Variants in TENM2 observed in about 807,000 individuals in gnomAD.
The protein encoded by TENM2 is teneurin transmembrane protein 2.
In TENM2, 52 loss-of-function variants were observed where a neutral mutation model predicts 245.2. The observed-to-expected ratio is 0.21, with a 90% CI of 0.17 to 0.27. The LOEUF is 0.27. TENM2 is among the 10% of genes least tolerant of loss of function. TENM2 has a pLI of 1.00. For synonymous variants in TENM2, 1,363 were observed against 1,438.9 expected (o/e 0.95, Z 1.19); for missense variants, 3,046 against 3,666.8 (o/e 0.83, Z 4.37).
At chr5:167,086,058 G>A in the TENM2 span, among the ~76,000 whole-genome samples, 1 of 152,156 alleles carries the variant, frequency 6.6e-6, no homozygotes, top group African/African-American at 2.4e-5. Context: ...TTCTATTCCA[G>A]TTGGGAAGGG....
intron 17 of TENM2, among the ~76,000 whole-genome samples, chr5:168,203,277 G>A (rs1762078869): frequency 2.6e-5 from 4 of 152,218 alleles, no homozygotes; most frequent in Admixed American, 2.6e-4. Context: ...CTCCTAGTAA[G>A]TGGAAATAAA....
chr5:167,679,432 C>A (rs916396647), intron 2 of TENM2, among the ~76,000 whole-genome samples: 1 of 152,126 alleles, frequency 6.6e-6, no homozygotes. Flanking sequence ...TCAGCTAGTA[C>A]TATAGATGAA....
chr5:167,946,715 C>T (rs543179152), intron 3 of TENM2, among the ~76,000 whole-genome samples: 3 of 152,244 alleles, frequency 2.0e-5, no homozygotes, highest in Non-Finnish European at 4.4e-5. Flanking sequence ...TGTGCCAGCT[C>T]TACCACTTAC....
chr5:167,861,071 A>G (rs1771756737), intron 2 of TENM2, among the ~76,000 whole-genome samples: 1 of 151,616 alleles, frequency 6.6e-6, no homozygotes, highest in African/African-American at 2.4e-5. Flanking sequence ...AAAAAAAAGA[A>G]AACAACGTCA....
intron 7 of TENM2, among the ~76,000 whole-genome samples, chr5:168,086,958 C>T (rs1049094861): frequency 2.0e-5 from 3 of 152,188 alleles, no homozygotes; most frequent in Non-Finnish European, 2.9e-5. Flanking sequence ...GGCTCCCCTA[C>T]ACCAGATGGC....
intron 5 of TENM2, among the ~76,000 whole-genome samples, chr5:168,017,278 G>C (rs1562056244): frequency 6.6e-6 from 1 of 152,192 alleles, no homozygotes; most frequent in Non-Finnish European, 1.5e-5. Flanking sequence ...CTAAGTTTCA[G>C]ATTATCATTT....
chr5:167,517,150 A>G (rs10050723), intron 2 of TENM2, among the ~76,000 whole-genome samples: 94,386 of 152,006 alleles, frequency 0.62, 29,526 homozygotes, highest in East Asian at 0.77. Context: ...TAGTGATATC[A>G]AAAGTATTTT....
chr5:167,886,396 T>C (rs1212614199), intron 3 of TENM2, among the ~76,000 whole-genome samples: 1 of 152,200 alleles, frequency 6.6e-6, no homozygotes, highest in African/African-American at 2.4e-5. Flanking sequence ...CACAGTAATG[T>C]AAACATTGAA....
chr5:167,180,101 TCC>T, the TENM2 span, among the ~76,000 whole-genome samples: 3 of 141,996 alleles, frequency 2.1e-5, no homozygotes, highest in African/African-American at 8.8e-5. Context: ...AGTAAGTGCT[TCC>T]TTTTTTTTTT....
At chr5:168,162,834 C>G (rs574608114) in intron 13 of TENM2, 77 bp downstream of exon 15, 38 of 1,505,384 alleles carry the variant, frequency 2.5e-5, no homozygotes, top group Non-Finnish European at 3.4e-5. Context: ...CATTTTTCTT[C>G]GGAAAGACCT....
intron 4 of TENM2, among the ~76,000 whole-genome samples, chr5:167,970,899 C>T (rs1418693339): frequency 6.6e-6 from 1 of 151,776 alleles, no homozygotes; most frequent in Admixed American, 6.6e-5. Context: ...TCAATATAAT[C>T]GTGTGTGTGG....
the TENM2 span, among the ~76,000 whole-genome samples, chr5:167,166,315 G>A: frequency 6.6e-6 from 1 of 152,102 alleles, no homozygotes; most frequent in South Asian, 2.1e-4. Context: ...TCAGAATGAA[G>A]CTGAGAGTCA....
Position 168,104,007 on chromosome 5 carries a change from T to G in TENM2, c.1813+5880T>G, listed in dbSNP as rs776738197. 1.3e-4 allele frequency among the ~76,000 whole-genome samples: 9 copies of G among 68,800 alleles called. No individual in the cohort carries two copies. In the East Asian group the frequency reaches 2.4e-3, roughly 18 times the overall value. 45.1% of individuals were successfully genotyped at this position (68,800 alleles called of 152,430 possible). ...CGGTGTCCTTCTTTCTTTTCTGGTTTGTTTGTTTGTTTGTTTGTTTGTTTG... is the reference window on the plus strand; with the variant it reads ...CGGTGTCCTTCTTTCTTTTCTGGTTGGTTTGTTTGTTTGTTTGTTTGTTTG... On this transcript the variant is annotated intron_variant, in intron 9 of 28. Coordinates refer to ENST00000518659, the Ensembl canonical transcript of TENM2.
chr5:167,260,259 A>G, the TENM2 span, among the ~76,000 whole-genome samples: 14 of 152,290 alleles, frequency 9.2e-5, no homozygotes, highest in Admixed American at 2.0e-4. Context: ...GTATTGTAGC[A>G]GTAGAATTAG....
chr5:168,132,820 A>G (rs1754708724), intron 12 of TENM2, among the ~76,000 whole-genome samples: 2 of 152,204 alleles, frequency 1.3e-5, no homozygotes, highest in Non-Finnish European at 1.5e-5. Context: ...CGTGCCTTCC[A>G]AGTCTGTGAC....
At chr5:167,399,866 C>A (rs1047166973) in intron 2 of TENM2, among the ~76,000 whole-genome samples, 2 of 151,776 alleles carry the variant, frequency 1.3e-5, no homozygotes, top group African/African-American at 4.9e-5. Context: ...GCTAGAAGAA[C>A]ATTGTTCTTG....
At chr5:166,992,249 T>C in the TENM2 span, among the ~76,000 whole-genome samples, 6 of 152,174 alleles carry the variant, frequency 3.9e-5, no homozygotes, top group African/African-American at 1.4e-4. Flanking sequence ...TACTTCTTAT[T>C]GTAAACAAAG....
At chr5:168,037,955 C>G (rs114093161) in intron 5 of TENM2, among the ~76,000 whole-genome samples, 1 of 152,206 alleles carries the variant, frequency 6.6e-6, no homozygotes, top group Non-Finnish European at 1.5e-5. Context: ...ACAGAGGTTT[C>G]TCTGAAGGAG....
chr5:168,190,609 A>T, intron 14 of TENM2, 62 bp downstream of exon 16: 1 of 1,483,300 alleles, frequency 6.7e-7, no homozygotes, highest in South Asian at 1.2e-5. Context: ...TTGGAGCCAG[A>T]GGCAGTTCTC....
Sources: allele counts gnomAD v4.1 joint callset (sites outside exome capture counted in the v4.1 genomes callset), GRCh38; gene constraint gnomAD v4.1.1; transcripts MANE v1.5; gene names NCBI Gene and HGNC (gene_info 2026-07-23, HGNC 2026-07-21).